The following NRF1 variants were observed in gnomAD, a reference collection of about 807,000 sequenced individuals.
NRF1 encodes alpha palindromic-binding protein.
NRF1 carries 5 observed loss-of-function variants against 58.5 expected under a neutral mutation model. The observed-to-expected ratio is 0.09, with a 90% confidence interval of 0.04 to 0.18. The LOEUF is 0.18. Ranked by LOEUF, NRF1 falls within the 10% of genes least tolerant of loss-of-function variation. NRF1 has a pLI of 1.00. For missense variants in NRF1, 288 were observed against 657.7 expected (o/e 0.44, Z 6.15); for synonymous variants, 224 against 246.7 (o/e 0.91, Z 0.86).
At chr7:129,646,298 G>A (rs374716661) in intron 1 of NRF1, among the ~76,000 whole-genome samples, 4 of 152,246 alleles carry the variant, frequency 2.6e-5, no homozygotes, top group East Asian at 3.9e-4. Context: ...TGAGAATCCC[G>A]GATTGCTGCT....
chr7:129,654,126 A>G (rs546007746), intron 1 of NRF1, among the ~76,000 whole-genome samples: 2 of 152,316 alleles, frequency 1.3e-5, no homozygotes, highest in Admixed American at 6.5e-5. Flanking sequence ...CACATCCTCA[A>G]CAGCGTTTGG....
intron 2 of NRF1, among the ~76,000 whole-genome samples, chr7:129,668,810 T>C (rs568991187): frequency 1.3e-5 from 2 of 152,192 alleles, no homozygotes; most frequent in East Asian, 1.9e-4. Context: ...AAAACTCTAA[T>C]GTATGGTGAA....
At chr7:129,748,392 G>A (rs190088635) in intron 10 of NRF1, among the ~76,000 whole-genome samples, 1 of 152,054 alleles carries the variant, frequency 6.6e-6, no homozygotes, top group East Asian at 1.9e-4. Context: ...CCAAATGAAT[G>A]GTGGCGGCAA....
At chr7:129,622,051 G>A (rs1356660536) in intron 1 of NRF1, among the ~76,000 whole-genome samples, 1 of 151,996 alleles carries the variant, frequency 6.6e-6, no homozygotes, top group Non-Finnish European at 1.5e-5. Context: ...AAAGTGCTGG[G>A]ATTACAGGTG....
chr7:129,748,481 A>G lies in NRF1; in HGVS notation c.1349-6537A>G, dbSNP rs1804035665. Among the ~76,000 whole-genome samples, 4 of 152,128 alleles carry G rather than the reference A, an allele frequency of 2.6e-5. No individual in the cohort carries two copies. The South Asian group carries it at 8.3e-4, about 32-fold the overall frequency. On this transcript the variant is annotated intron_variant, in intron 10 of 10. Coordinates refer to ENST00000393232, the MANE Select transcript of NRF1 (RefSeq NM_005011.5). ...TGAACCATGTGGAAACTGCTAGAAG[A>G]ACTGGCCTGAGACTGGCAGGGCCTA...
chr7:129,721,085 G>A (rs145562134), intron 9 of NRF1, among the ~76,000 whole-genome samples: 18 of 152,048 alleles, frequency 1.2e-4, no homozygotes, highest in African/African-American at 4.3e-4. Context: ...GAGAGGAAAG[G>A]AAGTAATATT....
chr7:129,717,415 T>A, intron 9 of NRF1, 39 bp downstream of exon 9: 1 of 1,576,336 alleles, frequency 6.3e-7, no homozygotes, highest in Non-Finnish European at 8.6e-7. Context: ...GGATCGCAAA[T>A]CTGTCCCTGC....
intron 5 of NRF1, among the ~76,000 whole-genome samples, chr7:129,701,244 T>C (rs1802817958): frequency 6.6e-6 from 1 of 152,070 alleles, no homozygotes; most frequent in Admixed American, 6.6e-5. Context: ...GTCAACTCAC[T>C]AGTAATGGAA....
intron 3 of NRF1, among the ~76,000 whole-genome samples, chr7:129,672,950 C>T (rs1256887561): frequency 6.6e-6 from 1 of 152,002 alleles, no homozygotes; most frequent in Non-Finnish European, 1.5e-5. Flanking sequence ...TGGACTGAGG[C>T]CTGAAGCACT....
intron 1 of NRF1, among the ~76,000 whole-genome samples, chr7:129,639,118 GAC>G (rs1801232942): frequency 1.3e-5 from 2 of 152,102 alleles, no homozygotes; most frequent in East Asian, 3.9e-4. Context: ...GCAGTGCAGT[GAC>G]ACAGTCTCTG....
At chr7:129,618,403 A>G (rs1421250401) in intron 1 of NRF1, among the ~76,000 whole-genome samples, 12 of 152,224 alleles carry the variant, frequency 7.9e-5, no homozygotes. Context: ...TGCCATATAG[A>G]AACTGCAGAA....
At chr7:129,619,490 G>GTATATATATATATATATA (rs67190499) in intron 1 of NRF1, among the ~76,000 whole-genome samples, 4 of 48,616 alleles carry the variant, frequency 8.2e-5, no homozygotes, top group African/African-American at 3.0e-4. Context: ...GTGTGTGTGT[G>GTATATATATATATATATA]TATATATATA....
At chr7:129,685,369 T>C (rs1802418864) in intron 4 of NRF1, among the ~76,000 whole-genome samples, 1 of 152,138 alleles carries the variant, frequency 6.6e-6, no homozygotes, top group Non-Finnish European at 1.5e-5. Flanking sequence ...TGAACAAACC[T>C]GCGTGACAGA....
intron 4 of NRF1, among the ~76,000 whole-genome samples, chr7:129,680,359 G>T (rs77806965): frequency 1.3e-5 from 2 of 152,232 alleles, no homozygotes; most frequent in South Asian, 4.1e-4. Flanking sequence ...AAGCAAAATG[G>T]TACAGCTGCT....
rs1208092806 is a variant in NRF1 at position 129,709,249 on chromosome 7, A to C, written c.765+16A>C. 1 of 1,440,460 alleles carries C rather than the reference A, an allele frequency of 6.9e-7. No homozygotes were observed. The highest frequency in any genetic ancestry group is 2.5e-5 in the Admixed American group (1 of 40,256). 89.2% of individuals were successfully genotyped at this position (1,440,460 alleles called of 1,614,324 possible). ...AAAGCAGAGGGTGAGAGTTCCTCTG[A>C]CTGAGTTGCCTGGTTGCTTTTCCAT... On this transcript the variant is annotated intron_variant, in intron 6 of 10. Transcript: ENST00000393232.
rs574777247 is a variant in NRF1, at chr7:129,662,695, G to A, written c.223+5121G>A. 1.1e-4 allele frequency among the ~76,000 whole-genome samples: 16 copies of A among 152,248 alleles called. No homozygotes were observed. The South Asian group carries it at 3.3e-3, about 32-fold the overall frequency. On this transcript the variant is annotated intron_variant, in intron 2 of 10. Transcript: ENST00000393232. The stretch of plus-strand genomic sequence containing the variant: ...GGATTTTTGTTTGCTTCTGCGAGAT[G>A]CCCGAGGGCACTAGCAATCCTGGAT...
intron 2 of NRF1, among the ~76,000 whole-genome samples, chr7:129,664,487 T>A (rs759607157): frequency 3.3e-5 from 5 of 152,220 alleles, no homozygotes; most frequent in Non-Finnish European, 7.3e-5. Flanking sequence ...TCAGTTACTG[T>A]CCACTGTGTA....
At chr7:129,733,884 C>T (rs1803644948) in intron 10 of NRF1, among the ~76,000 whole-genome samples, 1 of 151,990 alleles carries the variant, frequency 6.6e-6, no homozygotes, top group Non-Finnish European at 1.5e-5. Context: ...ATTAGCCCAG[C>T]ACTGGGCTCA....
At chr7:129,719,977 C>T (rs1466118175) in intron 9 of NRF1, among the ~76,000 whole-genome samples, 2 of 149,472 alleles carry the variant, frequency 1.3e-5, no homozygotes, top group African/African-American at 5.1e-5. Flanking sequence ...CACATTTGGG[C>T]TCTCTTTGTT....
Sources: gnomAD v4.1 joint callset for allele counts (sites outside exome capture counted in the v4.1 genomes callset) on GRCh38, gnomAD v4.1.1 for gene constraint, MANE v1.5 for transcripts, NCBI Gene and HGNC (gene_info 2026-07-23, HGNC 2026-07-21) for gene names.